The following C12orf42 variants were observed in gnomAD, a reference collection of about 807,000 sequenced individuals.
C12orf42 encodes the protein chromosome 12 open reading frame 42.
Under a neutral mutation model 21.6 loss-of-function variants are expected in C12orf42, and 25 were observed. That is an observed-to-expected ratio of 1.16 (90% CI 0.84 to 1.62). The LOEUF is 1.62. Among genes scored for constraint, C12orf42 ranks in the 40% most tolerant of loss-of-function variants. The pLI is 0.00. For missense variants in C12orf42, 483 were observed against 459.3 expected, an observed-to-expected ratio of 1.05 and a Z score of -0.47; for synonymous variants, 174 against 175.0, an observed-to-expected ratio of 0.99 and a Z score of 0.05.
At chr12:103,540,494 C>G in the C12orf42 span, among the ~76,000 whole-genome samples, 1 of 152,106 alleles carries the variant, frequency 6.6e-6, no homozygotes, top group Non-Finnish European at 1.5e-5. Flanking sequence ...GGCGAATACA[C>G]CTTTAGAATG....
intron 10 of C12orf42, among the ~76,000 whole-genome samples, chr12:103,238,218 G>A (rs1322647976): frequency 2.6e-5 from 4 of 152,020 alleles, no homozygotes; most frequent in Non-Finnish European, 2.9e-5. Flanking sequence ...ATTGGAACAC[G>A]GCTACATCCT....
chr12:103,160,205 A>G, the C12orf42 span, among the ~76,000 whole-genome samples: 1 of 152,210 alleles, frequency 6.6e-6, no homozygotes, highest in Non-Finnish European at 1.5e-5. Flanking sequence ...CCTAACATCA[A>G]AAATTCCAGA....
chr12:103,142,055 T>C, the C12orf42 span, among the ~76,000 whole-genome samples: 1 of 152,192 alleles, frequency 6.6e-6, no homozygotes, highest in African/African-American at 2.4e-5. Context: ...TGTCTAGGTA[T>C]CCCTTTCATT....
At chr12:103,164,175 C>T in the C12orf42 span, among the ~76,000 whole-genome samples, 1 of 152,148 alleles carries the variant, frequency 6.6e-6, no homozygotes, top group Non-Finnish European at 1.5e-5. Flanking sequence ...TGGTACTGAC[C>T]ATAAGTGGAA....
chr12:103,324,695 G>C (rs920907166), intron 4 of C12orf42, among the ~76,000 whole-genome samples: 6 of 151,890 alleles, frequency 4.0e-5, no homozygotes, highest in African/African-American at 1.5e-4. Context: ...ATTTTTCCCT[G>C]TCCCCTCATC....
At chr12:103,259,059 T>C in intron 10 of C12orf42, among the ~76,000 whole-genome samples, 1 of 152,204 alleles carries the variant, frequency 6.6e-6, no homozygotes. Context: ...TAAGTTGTTC[T>C]TGGTACATGG....
chr12:103,261,386 G>A (rs1269900339), intron 10 of C12orf42, among the ~76,000 whole-genome samples: 2 of 151,402 alleles, frequency 1.3e-5, no homozygotes, highest in Admixed American at 6.6e-5. Flanking sequence ...TGAGGCTAAG[G>A]CAGGAGGATC....
the C12orf42 span, among the ~76,000 whole-genome samples, chr12:103,523,393 T>A: frequency 6.6e-6 from 1 of 152,034 alleles, no homozygotes. Context: ...GTCTTCTCTA[T>A]CAATAATAGT....
At chr12:103,090,216 T>C in the C12orf42 span, among the ~76,000 whole-genome samples, 5 of 152,204 alleles carry the variant, frequency 3.3e-5, no homozygotes, top group Non-Finnish European at 5.9e-5. Flanking sequence ...CACAGCATGA[T>C]CTCAATCAGG....
At chr12:103,497,001 G>A (rs1283904070), upstream of C12orf42, among the ~76,000 whole-genome samples, 2 of 151,736 alleles carry the variant, frequency 1.3e-5, no homozygotes, top group Admixed American at 6.6e-5. Context: ...ATCTTTTCCA[G>A]CTAAAGTCTC....
chr12:103,336,208 TTAATTTC>T (rs2041678417), intron 4 of C12orf42, among the ~76,000 whole-genome samples: 1 of 152,266 alleles, frequency 6.6e-6, no homozygotes, highest in Middle Eastern at 3.2e-3. Flanking sequence ...AGTGGCATCT[TTAATTTC>T]ATCTAATTAG....
the C12orf42 span, among the ~76,000 whole-genome samples, chr12:103,130,553 TA>T: frequency 3.3e-5 from 5 of 152,198 alleles, no homozygotes; most frequent in South Asian, 8.3e-4. Flanking sequence ...GAGCTGACTC[TA>T]AGGGAAAGGT....
At chr12:103,130,699 G>A in the C12orf42 span, among the ~76,000 whole-genome samples, 2 of 152,174 alleles carry the variant, frequency 1.3e-5, no homozygotes, top group African/African-American at 4.8e-5. Flanking sequence ...AAGCCCAGGA[G>A]CTCCGTAGGT....
intron 2 of C12orf42, among the ~76,000 whole-genome samples, chr12:103,455,957 A>G (rs2888735): frequency 0.16 from 24,639 of 152,028 alleles, 2,197 homozygotes; most frequent in South Asian, 0.23. Flanking sequence ...TCCATGACAC[A>G]GAACTCTCAC....
intron 4 of C12orf42, among the ~76,000 whole-genome samples, chr12:103,311,331 T>G (rs2038955209): frequency 6.6e-6 from 1 of 151,750 alleles, no homozygotes; most frequent in African/African-American, 2.4e-5. Context: ...TTCTACCATA[T>G]ACTAGATACT....
At chr12:103,329,461 T>C (rs4764952) in intron 4 of C12orf42, among the ~76,000 whole-genome samples, 74,128 of 151,852 alleles carry the variant, frequency 0.49, 20,574 homozygotes, top group African/African-American at 0.76. Context: ...AACAGATTGA[T>C]AGGTGCAGCA....
rs140496160 is a variant in C12orf42 at position 103,257,938 on chromosome 12, A to T, written c.*1366+5388T>A. Among the ~76,000 whole-genome samples the T allele has an allele frequency of 5.3e-3, 807 of 152,170 alleles. 8 individuals are homozygous for T. Among genetic ancestry groups the T allele is most frequent in the African/African-American group, 0.019 (775 of 41,568 alleles). On this transcript the variant is annotated intron_variant and NMD_transcript_variant, in intron 10 of 10. Transcript: ENST00000547347. ...TAATAAAATTAATAAAGATTTTTTT[A>T]AAATCCTATGGTCATCTAGAAAAGA...
chr12:103,101,707 C>A, the C12orf42 span, among the ~76,000 whole-genome samples: 2 of 152,190 alleles, frequency 1.3e-5, no homozygotes, highest in East Asian at 3.8e-4. Context: ...GTATTTTAAA[C>A]TACCCCAAAA....
intron 4 of C12orf42, among the ~76,000 whole-genome samples, chr12:103,322,775 ATC>A (rs2040312761): frequency 1.3e-5 from 2 of 152,216 alleles, no homozygotes; most frequent in Admixed American, 1.3e-4. Flanking sequence ...CATTAGGTTA[ATC>A]TGTTATTTCT....
Sources: gnomAD v4.1 joint callset for allele counts (sites outside exome capture counted in the v4.1 genomes callset) on GRCh38, gnomAD v4.1.1 for gene constraint, MANE v1.5 for transcripts, NCBI Gene and HGNC (gene_info 2026-07-23, HGNC 2026-07-21) for gene names.